ADGRB3: variants seen among roughly 807,000 people sequenced by gnomAD.
ADGRB3 encodes adhesion G protein-coupled receptor B3, also known as brain-specific angiogenesis inhibitor 3.
In ADGRB3, 37 loss-of-function variants were observed where a neutral mutation model predicts 193.4. The ratio of observed to expected loss-of-function variants is 0.19; its 90% confidence interval spans 0.15 to 0.25. The LOEUF (loss-of-function observed/expected upper bound fraction) is 0.25, where lower values mean the gene tolerates loss of function less well. Among genes scored for constraint, ADGRB3 ranks in the 10% least tolerant of loss-of-function variants. The probability of loss-of-function intolerance (pLI) is 1.00; values close to 1 mark genes in which losing one functional copy is unlikely to be tolerated. For synonymous variants in ADGRB3, 690 were observed against 644.2 expected, an observed-to-expected ratio of 1.07 and a Z score of -1.08; for missense variants, 1,637 against 1,852.9, an observed-to-expected ratio of 0.88 and a Z score of 2.14.
intron 3 of ADGRB3, among the ~76,000 whole-genome samples, chr6:68,665,533 T>C (rs1267110616): frequency 6.6e-6 from 1 of 151,826 alleles, no homozygotes. Flanking sequence ...ACAGTGCCTA[T>C]TGCACAGAGC....
At chr6:68,650,387 C>T (rs1328770493) in intron 3 of ADGRB3, among the ~76,000 whole-genome samples, 7 of 151,560 alleles carry the variant, frequency 4.6e-5, no homozygotes, top group Admixed American at 1.3e-4. Flanking sequence ...AATACACATA[C>T]GTTCATATAC....
At chr6:68,857,776 G>A (rs1259392888) in intron 3 of ADGRB3, among the ~76,000 whole-genome samples, 1 of 152,098 alleles carries the variant, frequency 6.6e-6, no homozygotes, top group Non-Finnish European at 1.5e-5. Flanking sequence ...GATTTGGGAG[G>A]AGCCAGGGGC....
chr6:69,213,486 G>A (rs1299791355), intron 17 of ADGRB3, among the ~76,000 whole-genome samples: 1 of 152,078 alleles, frequency 6.6e-6, no homozygotes, highest in Non-Finnish European at 1.5e-5. Context: ...TGGCTTTTGG[G>A]TAAGGAAATT....
At chr6:69,090,090 A>G (rs1182219199) in intron 17 of ADGRB3, among the ~76,000 whole-genome samples, 1 of 152,200 alleles carries the variant, frequency 6.6e-6, no homozygotes, top group Non-Finnish European at 1.5e-5. Flanking sequence ...ATTAAATTTG[A>G]GAATCATTAT....
intron 17 of ADGRB3, among the ~76,000 whole-genome samples, chr6:69,103,685 T>C: frequency 6.6e-6 from 1 of 151,796 alleles, no homozygotes; most frequent in African/African-American, 2.4e-5. Flanking sequence ...CAAGGGCAAT[T>C]GGATGACTCC....
chr6:69,349,331 A>G (rs1769173864), intron 26 of ADGRB3, among the ~76,000 whole-genome samples: 1 of 152,240 alleles, frequency 6.6e-6, no homozygotes, highest in Non-Finnish European at 1.5e-5. Flanking sequence ...GTAAAGAGGT[A>G]TAACAATTTT....
At chr6:68,888,462 T>C (rs1160462436) in intron 3 of ADGRB3, among the ~76,000 whole-genome samples, 2 of 151,904 alleles carry the variant, frequency 1.3e-5, no homozygotes, top group East Asian at 3.9e-4. Context: ...TAGGATAAAA[T>C]TGATATTGTG....
intron 20 of ADGRB3, among the ~76,000 whole-genome samples, chr6:69,309,004 T>G (rs1452045677): frequency 6.6e-6 from 1 of 151,686 alleles, no homozygotes; most frequent in Admixed American, 6.6e-5. Flanking sequence ...TACAGTTCTG[T>G]TATGAGAACA....
intron 3 of ADGRB3, among the ~76,000 whole-genome samples, chr6:68,722,794 G>A (rs1245306253): frequency 6.6e-6 from 1 of 151,102 alleles, no homozygotes; most frequent in African/African-American, 2.4e-5. Context: ...TTTTCCTAAA[G>A]GATATTTTAG....
chr6:69,273,708 G>A (rs1219664920), intron 20 of ADGRB3, among the ~76,000 whole-genome samples: 7 of 152,146 alleles, frequency 4.6e-5, no homozygotes, highest in Non-Finnish European at 1.0e-4. Context: ...CAGTAATGCC[G>A]AGGAAAAACA....
chr6:69,231,065 C>T (rs866429318), intron 17 of ADGRB3, among the ~76,000 whole-genome samples: 4 of 152,140 alleles, frequency 2.6e-5, no homozygotes, highest in African/African-American at 7.2e-5. Flanking sequence ...TGAACATCGG[C>T]GTTACTTACT....
At chr6:69,258,862 T>A (rs1312794962) in intron 20 of ADGRB3, among the ~76,000 whole-genome samples, 1 of 152,170 alleles carries the variant, frequency 6.6e-6, no homozygotes, top group East Asian at 1.9e-4. Context: ...TTAAAAATGC[T>A]CCACAGGCGA....
intron 3 of ADGRB3, among the ~76,000 whole-genome samples, chr6:68,657,803 G>T (rs1768526405): frequency 6.6e-6 from 1 of 151,242 alleles, no homozygotes; most frequent in African/African-American, 2.4e-5. Context: ...GCTTAATTCA[G>T]GTAATATCAG....
intron 11 of ADGRB3, among the ~76,000 whole-genome samples, chr6:69,010,930 A>G (rs1212861242): frequency 6.6e-6 from 1 of 152,042 alleles, no homozygotes; most frequent in Admixed American, 6.6e-5. Flanking sequence ...GGAGTTTTAA[A>G]AGAACACTGG....
rs758790943 is a variant in ADGRB3, at chr6:68,829,266, A to AT, written c.758-101284dup. Among the ~76,000 whole-genome samples the AT allele has an allele frequency of 1.1e-3, 168 of 150,914 alleles. 1 individual carries two copies. The highest frequency in any genetic ancestry group is 1.8e-3 in the Non-Finnish European group (122 of 67,624). On this transcript the variant is annotated intron_variant, in intron 3 of 31. Coordinates refer to ENST00000370598, the MANE Select transcript of ADGRB3 (RefSeq NM_001704.3). ...AGGCTCCCGCCACCATGCCCAGCTA[A>AT]TTTTTTTTTATTTTTAGTAGAGACG...
At chr6:69,024,802 T>C (rs957498264) in intron 13 of ADGRB3, among the ~76,000 whole-genome samples, 3 of 152,112 alleles carry the variant, frequency 2.0e-5, no homozygotes, top group African/African-American at 7.2e-5. Flanking sequence ...AAATATTAAA[T>C]ATTAAGGCGA....
At chr6:69,293,262 C>T (rs992938984) in intron 20 of ADGRB3, among the ~76,000 whole-genome samples, 1 of 152,020 alleles carries the variant, frequency 6.6e-6, no homozygotes, top group Non-Finnish European at 1.5e-5. Context: ...GCTTGGGAAT[C>T]CATGAGACAA....
At chr6:68,908,588 A>C (rs9294813) in intron 3 of ADGRB3, among the ~76,000 whole-genome samples, 49,206 of 151,928 alleles carry the variant, frequency 0.32, 8,342 homozygotes, top group Middle Eastern at 0.52. Flanking sequence ...AGCCTATATC[A>C]TCATATTGAC....
At chr6:68,763,353 G>A (rs1766448899) in intron 3 of ADGRB3, among the ~76,000 whole-genome samples, 1 of 152,160 alleles carries the variant, frequency 6.6e-6, no homozygotes, top group African/African-American at 2.4e-5. Flanking sequence ...GCCTCCCAAA[G>A]TGCTGGGGTT....
Sources: allele counts gnomAD v4.1 joint callset (sites outside exome capture counted in the v4.1 genomes callset), GRCh38; gene constraint gnomAD v4.1.1; transcripts MANE v1.5; gene names NCBI Gene and HGNC (gene_info 2026-07-23, HGNC 2026-07-21).